TBC1D5: variants seen among roughly 807,000 people sequenced by gnomAD.
TBC1D5 encodes TBC1 domain family member 5.
Under a neutral mutation model 100.3 loss-of-function variants are expected in TBC1D5, and 75 were observed. The ratio of observed to expected loss-of-function variants is 0.75; its 90% CI spans 0.62 to 0.91. The LOEUF is 0.91. Ranked by LOEUF, TBC1D5 falls within the 40% of genes least tolerant of loss-of-function variation. TBC1D5 has a pLI of 0.00. For synonymous variants in TBC1D5, 323 were observed against 325.6 expected, an observed-to-expected ratio of 0.99 and a Z score of 0.09; for missense variants, 910 against 942.4, an observed-to-expected ratio of 0.97 and a Z score of 0.45.
At chr3:17,504,093 A>G (rs1280542494) in intron 3 of TBC1D5, among the ~76,000 whole-genome samples, 1 of 23,596 alleles carries the variant, frequency 4.2e-5, no homozygotes, top group Non-Finnish European at 8.7e-5. Flanking sequence ...GGACAATAAA[A>G]CAGAGTTCAT....
intron 14 of TBC1D5, among the ~76,000 whole-genome samples, chr3:17,302,752 T>C (rs2082986038): frequency 6.6e-6 from 1 of 152,164 alleles, no homozygotes; most frequent in South Asian, 2.1e-4. Flanking sequence ...AAGGCTCTTT[T>C]AGTTTCCCTC....
intron 1 of TBC1D5, among the ~76,000 whole-genome samples, chr3:17,712,875 A>G (rs2153940158): frequency 1.3e-5 from 2 of 152,354 alleles, no homozygotes; most frequent in South Asian, 4.1e-4. Flanking sequence ...TTCTGAGAGC[A>G]GATACCAGCT....
At chr3:17,245,994 A>G (rs2076705824) in intron 16 of TBC1D5, among the ~76,000 whole-genome samples, 2 of 152,170 alleles carry the variant, frequency 1.3e-5, no homozygotes, top group South Asian at 4.1e-4. Flanking sequence ...CACTTTGGGA[A>G]GTTTTTGCCC....
intron 2 of TBC1D5, among the ~76,000 whole-genome samples, chr3:17,519,823 CTGAG>C (rs1188460900): frequency 6.6e-6 from 1 of 150,704 alleles, no homozygotes; most frequent in Non-Finnish European, 1.5e-5. Context: ...GATAAAAGAT[CTGAG>C]TTTTCCATCT....
At chr3:17,229,066 A>C (rs558467753) in intron 17 of TBC1D5, among the ~76,000 whole-genome samples, 23 of 152,252 alleles carry the variant, frequency 1.5e-4, no homozygotes, top group Non-Finnish European at 2.5e-4. Flanking sequence ...ACCCCAGTAC[A>C]CCTGAGGTCA....
At chr3:17,452,042 T>G (rs1345893579) in intron 3 of TBC1D5, among the ~76,000 whole-genome samples, 2 of 152,038 alleles carry the variant, frequency 1.3e-5, no homozygotes, top group African/African-American at 4.8e-5. Flanking sequence ...TTTTTATTGC[T>G]TTTTTTTAAT....
chr3:17,684,811 C>A (rs1179105694), intron 1 of TBC1D5, among the ~76,000 whole-genome samples: 1 of 151,802 alleles, frequency 6.6e-6, no homozygotes, highest in Admixed American at 6.6e-5. Flanking sequence ...TGATGTTTTC[C>A]CAATACAAAT....
intron 2 of TBC1D5, among the ~76,000 whole-genome samples, chr3:17,611,834 G>A (rs1199212671): frequency 6.6e-6 from 1 of 152,160 alleles, no homozygotes; most frequent in Non-Finnish European, 1.5e-5. Context: ...AAAATGCTAA[G>A]AATAATGCAT....
At chr3:17,480,336 AAG>A (rs1173460523) in intron 3 of TBC1D5, among the ~76,000 whole-genome samples, 3 of 152,200 alleles carry the variant, frequency 2.0e-5, no homozygotes, top group Non-Finnish European at 4.4e-5. Context: ...CTCCCCAGTG[AAG>A]CCCCGCCTTA....
intron 4 of TBC1D5, among the ~76,000 whole-genome samples, chr3:17,413,188 GA>G (rs35093492): frequency 6.6e-6 from 1 of 152,296 alleles, no homozygotes; most frequent in East Asian, 1.9e-4. Context: ...TCTAAGCAGG[GA>G]AAGGTGAAGA....
chr3:17,726,381 T>C (rs755731073), intron 1 of TBC1D5, among the ~76,000 whole-genome samples: 1 of 152,232 alleles, frequency 6.6e-6, no homozygotes, highest in Non-Finnish European at 1.5e-5. Context: ...TGTTATTTTT[T>C]GACTTTTTAG....
At chr3:17,668,099 A>G (rs897321340) in intron 1 of TBC1D5, among the ~76,000 whole-genome samples, 1 of 149,342 alleles carries the variant, frequency 6.7e-6, no homozygotes, top group African/African-American at 2.4e-5. Context: ...TCCACTAAAT[A>G]TATATATATT....
At chr3:17,479,052 T>C (rs1395915105) in intron 3 of TBC1D5, among the ~76,000 whole-genome samples, 1 of 152,196 alleles carries the variant, frequency 6.6e-6, no homozygotes. Flanking sequence ...TAATGCTTGG[T>C]AAATAAATGG....
At chr3:17,416,840 C>G (rs897007612) in intron 4 of TBC1D5, among the ~76,000 whole-genome samples, 17 of 152,120 alleles carry the variant, frequency 1.1e-4, no homozygotes, top group Admixed American at 6.5e-4. Context: ...TATTGGTTAC[C>G]CCAAAATGGT....
At chr3:17,665,062 A>AG (rs2067105114) in intron 1 of TBC1D5, 2 of 98,852 alleles carry the variant, frequency 2.0e-5, no homozygotes, top group East Asian at 3.0e-3. Flanking sequence ...GGAAGAAGAA[A>AG]GGAAAAAAAA....
chr3:17,440,855 G>A (rs1389690062), intron 3 of TBC1D5, among the ~76,000 whole-genome samples: 6 of 151,912 alleles, frequency 3.9e-5, no homozygotes, highest in Non-Finnish European at 4.4e-5. Context: ...TTGGCCAAGC[G>A]GGTCTCGGAC....
intron 1 of TBC1D5, among the ~76,000 whole-genome samples, chr3:17,679,596 G>A (rs2069166895): frequency 6.6e-6 from 1 of 151,346 alleles, no homozygotes. Flanking sequence ...TTACTGAACT[G>A]AAAATTTTTC....
At chr3:17,261,840 AAGG>A (rs1396971031) in intron 15 of TBC1D5, among the ~76,000 whole-genome samples, 1 of 128,436 alleles carries the variant, frequency 7.8e-6, no homozygotes, top group Non-Finnish European at 1.8e-5. Context: ...GCTTTTCTTA[AAGG>A]AGTTTTTTTT....
chr3:17,227,660 A>G lies in TBC1D5; in HGVS notation c.1588+10503T>C, dbSNP rs2075031468. 2.0e-5 allele frequency among the ~76,000 whole-genome samples: 3 copies of G among 152,036 alleles called. 1 individual carries two copies. The highest frequency in any genetic ancestry group is 4.2e-4 in the South Asian group (2 of 4,818). On this transcript the variant is annotated intron_variant, in intron 17 of 21. Transcript: ENST00000253692. ...GAGAGCTAATGATGAGAACACGTGGACACAAAGAGGAGAACAACAGACACT... is the reference window on the plus strand; with the variant it reads ...GAGAGCTAATGATGAGAACACGTGGGCACAAAGAGGAGAACAACAGACACT...
Sources: allele counts gnomAD v4.1 joint callset (sites outside exome capture counted in the v4.1 genomes callset), GRCh38; gene constraint gnomAD v4.1.1; transcripts MANE v1.5; gene names NCBI Gene and HGNC (gene_info 2026-07-23, HGNC 2026-07-21).